MYO9B: variants seen among roughly 807,000 people sequenced by gnomAD.
The protein encoded by MYO9B is myosin IXB.
Under a neutral mutation model 229.5 loss-of-function variants are expected in MYO9B, and 71 were observed. The ratio of observed to expected loss-of-function variants is 0.31; its 90% confidence interval spans 0.26 to 0.38. MYO9B has a LOEUF of 0.38. MYO9B is among the 10% of genes least tolerant of loss of function. The pLI is 1.00. For synonymous variants in MYO9B, 1,185 were observed against 1,235.8 expected (o/e 0.96, Z 0.86); for missense variants, 2,255 against 2,920.5 (o/e 0.77, Z 5.25).
At chr19:17,081,334 A>C (rs1600011445) in intron 1 of MYO9B, among the ~76,000 whole-genome samples, 1 of 152,104 alleles carries the variant, frequency 6.6e-6, no homozygotes, top group East Asian at 1.9e-4. Flanking sequence ...GCCTCAACTT[A>C]CATTTTTAGA....
At chr19:17,113,318 C>G (rs912482384) in intron 2 of MYO9B, among the ~76,000 whole-genome samples, 2 of 152,042 alleles carry the variant, frequency 1.3e-5, no homozygotes, top group Admixed American at 6.5e-5. Context: ...GGAAGGCCAG[C>G]GTGTCCAGGG....
chr19:17,177,434 C>T (rs894276797), intron 14 of MYO9B: 1 of 152,058 alleles, frequency 6.6e-6, no homozygotes, highest in African/African-American at 2.4e-5. Flanking sequence ...CAGCCTCAAC[C>T]TCCTGGGCTC....
In MYO9B at chr19:17,185,570, C is replaced by CA. The variant is rs375097172; in HGVS notation, c.2497-343dup. On this transcript the variant is annotated intron_variant, in intron 17 of 39. Transcript: ENST00000682292. ...TCAAAAAAAAAAAAACAAAACAAAA[C>CA]AAAAAAAACACTACATCCGTGGTCC... Among the ~76,000 whole-genome samples, 1,090 of 149,256 alleles carry CA rather than the reference C, an allele frequency of 7.3e-3. 12 individuals carry two copies. The highest frequency in any genetic ancestry group is 0.024 in the African/African-American group (935 of 39,780).
At position 17,207,202 on chromosome 19, in the gene MYO9B, C is replaced by T. The variant is rs756010550; in HGVS notation, c.5582C>T (p.Ser1861Leu). 98 of 1,601,714 alleles carry T rather than the reference C, an allele frequency of 6.1e-5. No homozygotes were observed. Among genetic ancestry groups the T allele is most frequent in the South Asian group, 7.9e-5 (7 of 88,568 alleles). Residue 1861 changes from serine (S) to leucine (L), a missense_variant, in exon 35 of 40, where the codon TCG becomes TTG. Transcript: ENST00000682292. ...TGCCTCCTGCGCTGCCCTGACAACT[C>T]GGACCCGCTGACCAGCATGAAGGAC... ...APCLLRCPDN[S>L]DPLTSMKDVL...
intron 11 of MYO9B, among the ~76,000 whole-genome samples, chr19:17,169,967 G>C (rs559271872): frequency 2.0e-5 from 3 of 151,812 alleles, no homozygotes; most frequent in East Asian, 1.9e-4. Flanking sequence ...TCAGCCTCCC[G>C]AGTAGCTGGG....
chr19:17,119,793 A>T (rs966271303), intron 2 of MYO9B, among the ~76,000 whole-genome samples: 4 of 152,118 alleles, frequency 2.6e-5, no homozygotes, highest in Admixed American at 1.3e-4. Flanking sequence ...CTGGGACTAC[A>T]GGCACCACCA....
chr19:17,186,712 C>G (rs1243785525), intron 18 of MYO9B, among the ~76,000 whole-genome samples: 2 of 152,002 alleles, frequency 1.3e-5, no homozygotes, highest in Non-Finnish European at 2.9e-5. Flanking sequence ...CTCATTCTTT[C>G]CCGTTTGCCT....
Position 17,172,628 on chromosome 19 carries a change from TC to T in MYO9B, c.1936-130del. 6.8e-7 allele frequency: 1 copy of T among 1,460,738 alleles called. No individual in the cohort carries two copies. Among genetic ancestry groups the T allele is most frequent in the Non-Finnish European group, 9.4e-7 (1 of 1,067,136 alleles). The allele number at this position is 1,460,738 out of a possible 1,614,324, so 90.5% of individuals were successfully genotyped here. A position where few individuals can be genotyped will look rare whatever the true frequency, so the allele number is the denominator to read the frequency against. On this transcript the variant is annotated intron_variant, in intron 12 of 39. Transcript: ENST00000682292. The surrounding 1 kb of genome is among the most constrained non-coding windows in gnomAD (Gnocchi z 8.2). ...GCTCCAATGTCCAAGGCGCCATAGT[TC>T]AAGAACTGCCATTTGCACTTAGGAT...
chr19:17,210,778 G>A lies in MYO9B; in HGVS notation c.5860G>A (p.Ala1954Thr). Residue 1954 changes from alanine to threonine, a missense_variant, in exon 38 of 40, where the codon GCA becomes ACA. By Grantham distance (58) the Ala-to-Thr change is moderately conservative (BLOSUM62 0). Transcript: ENST00000682292. ...GCTGGAGGTGCTGCTGGAGGAGGAG[G>A]CAGCCGGCGGCGATGAGGACCGGGA... ...EELEVLLEEE[A>T]AGGDEDREKE... The A allele has an allele frequency of 1.3e-6, 2 of 1,579,842 alleles. No individual in the cohort carries two copies. The highest frequency in any genetic ancestry group is 1.2e-5 in the South Asian group (1 of 86,258).
At chr19:17,162,959 G>A in intron 9 of MYO9B, 29 bp from the exon 10 acceptor site, 1 of 1,601,564 alleles carries the variant, frequency 6.2e-7, no homozygotes, top group Non-Finnish European at 8.5e-7. Flanking sequence ...GCACCTGCGG[G>A]CAGTGACCAT....
At position 17,168,070 on chromosome 19, in the gene MYO9B, T is replaced by G. The variant is rs757088313; in HGVS notation, c.1793+6T>G. Reference sequence around the variant, plus strand: ...CTGCTGGACGAGGAGAGCAAGTGAGTGTCCACACCCCGTCCATCCCGGCAC... The same window carrying G: ...CTGCTGGACGAGGAGAGCAAGTGAGGGTCCACACCCCGTCCATCCCGGCAC... On this transcript the variant is annotated splice_donor_region_variant and intron_variant, in intron 11 of 39. Coordinates refer to ENST00000682292, the MANE Select transcript of MYO9B (RefSeq NM_004145.4). 8.1e-6 allele frequency: 13 copies of G among 1,611,944 alleles called. No individual in the cohort carries two copies. Among genetic ancestry groups the G allele is most frequent in the African/African-American group, 1.3e-5 (1 of 74,802 alleles).
chr19:17,207,498 T>C (rs2073175874), intron 35 of MYO9B: 1 of 225,318 alleles, frequency 4.4e-6, no homozygotes, highest in Non-Finnish European at 8.5e-6. Flanking sequence ...TATTTAAATA[T>C]AAAAATTTAA....
intron 1 of MYO9B, among the ~76,000 whole-genome samples, chr19:17,096,579 A>G: frequency 6.6e-6 from 1 of 151,894 alleles, no homozygotes; most frequent in East Asian, 1.9e-4. Context: ...AGCTGAGATC[A>G]TGCCACTGCA....
chr19:17,171,386 C>G (rs2072723371), intron 11 of MYO9B, among the ~76,000 whole-genome samples: 1 of 152,174 alleles, frequency 6.6e-6, no homozygotes, highest in Non-Finnish European at 1.5e-5. Context: ...CTCTCCTAGC[C>G]TCTTCTTCCA....
At chr19:17,200,492 C>A in intron 25 of MYO9B, 66 bp downstream of exon 25, 2 of 1,524,240 alleles carry the variant, frequency 1.3e-6, no homozygotes, top group South Asian at 1.2e-5. Context: ...CATTCACTGT[C>A]CCCAAACGGG....
intron 1 of MYO9B, among the ~76,000 whole-genome samples, chr19:17,090,771 A>G (rs1209285505): frequency 6.6e-6 from 1 of 152,048 alleles, no homozygotes; most frequent in Non-Finnish European, 1.5e-5. Flanking sequence ...TAAGGAAGGA[A>G]ACACGTTTTC....
intron 22 of MYO9B, 88 bp from the exon 23 acceptor site, chr19:17,197,704 C>T (rs1476391447): frequency 6.7e-7 from 1 of 1,499,812 alleles, no homozygotes; most frequent in Non-Finnish European, 9.3e-7. Context: ...GGCAGAACTG[C>T]CCAAGTGAGA....
In MYO9B at chr19:17,172,270, A is replaced by G; in HGVS notation, c.1794-66A>G. The G allele has an allele frequency of 3.1e-6, 5 of 1,590,888 alleles. No homozygotes were observed. Among genetic ancestry groups the G allele is most frequent in the Admixed American group, 3.4e-5 (2 of 58,798 alleles). ...ACCTCGTGCACCAGGGGTCTGCAAG[A>G]TAAAATACACAGCAGGTAAATCAGC... On this transcript the variant is annotated intron_variant, in intron 11 of 39. Coordinates refer to ENST00000682292, the MANE Select transcript of MYO9B (RefSeq NM_004145.4). This position sits in a 1 kb window ranked among gnomAD's most constrained non-coding sequence, Gnocchi z 8.2.
rs180792842 is a variant in MYO9B, at chr19:17,195,901, C to T, written c.4046+428C>T. Among the ~76,000 whole-genome samples the T allele has an allele frequency of 7.0e-3, 1,071 of 152,050 alleles. 12 individuals carry two copies. The highest frequency in any genetic ancestry group is 0.024 in the African/African-American group (1,010 of 41,448). On this transcript the variant is annotated intron_variant, in intron 22 of 39. Transcript: ENST00000682292. This position sits in a 1 kb window ranked among gnomAD's most constrained non-coding sequence, Gnocchi z 4.5. ...GACTTGGAATCTCCAGCTCCCTCTT[C>T]CAGAGGGCCTGCAGGACCAAAGGAA...
Sources: allele counts gnomAD v4.1 joint callset (sites outside exome capture counted in the v4.1 genomes callset), GRCh38; gene constraint gnomAD v4.1.1; non-coding constraint Gnocchi (gnomAD v3.1); transcripts MANE v1.5; gene names NCBI Gene and HGNC (gene_info 2026-07-23, HGNC 2026-07-21).